Variants in UQCRC2 observed in about 807,000 individuals in gnomAD.
UQCRC2 encodes the protein ubiquinol-cytochrome c reductase core protein 2.
In UQCRC2, 49 loss-of-function variants were observed where a neutral mutation model predicts 55.6. The observed-to-expected ratio is 0.88, with a 90% confidence interval of 0.70 to 1.12. The LOEUF is 1.12. Ranked by LOEUF, UQCRC2 falls within the 50% of genes most tolerant of loss-of-function variation. The probability of loss-of-function intolerance (pLI) is 0.00; values close to 1 mark genes in which losing one functional copy is unlikely to be tolerated. For synonymous variants in UQCRC2, 193 were observed against 192.0 expected (o/e 1.01, Z -0.04); for missense variants, 506 against 547.8 (o/e 0.92, Z 0.76).
At position 21,958,051 on chromosome 16, in the gene UQCRC2, T is replaced by G. The variant is rs186609678; in HGVS notation, c.268-484T>G. ...AATCTGCAGAGACCTTATTACCAAA[T>G]AAAGTAACATGCAAATATTCTGGCT... On this transcript the variant is annotated intron_variant, in intron 3 of 13. Coordinates refer to ENST00000268379, the MANE Select transcript of UQCRC2 (RefSeq NM_003366.4). 2.0e-5 allele frequency among the ~76,000 whole-genome samples: 3 copies of G among 152,210 alleles called. No individual in the cohort carries two copies. The East Asian group carries it at 5.8e-4, about 29-fold the overall frequency.
intron 4 of UQCRC2, 96 bp downstream of exon 4, chr16:21,958,695 T>G (rs988757026): frequency 7.8e-6 from 8 of 1,021,948 alleles, no homozygotes; most frequent in Admixed American, 2.4e-5. Context: ...GAGGATTTCT[T>G]AAGCAACATA....
At chr16:21,968,547 C>G (rs753495328) in intron 7 of UQCRC2, 81 bp from the exon 8 acceptor site, 3 of 1,311,594 alleles carry the variant, frequency 2.3e-6, no homozygotes, top group Non-Finnish European at 3.1e-6. Context: ...TATTTATTTT[C>G]TTCCAAACTG....
intron 13 of UQCRC2, among the ~76,000 whole-genome samples, chr16:21,981,508 C>T (rs541817443): frequency 3.9e-5 from 6 of 152,144 alleles, no homozygotes; most frequent in Non-Finnish European, 8.8e-5. Context: ...AATCCCAGCA[C>T]TTTGGAAGGC....
chr16:21,983,091 G>A lies in UQCRC2; in HGVS notation c.1282G>A (p.Ala428Thr). 1 of 1,613,170 alleles carries A rather than the reference G, an allele frequency of 6.2e-7. No homozygotes were observed. The highest frequency in any genetic ancestry group is 8.5e-7 in the Non-Finnish European group (1 of 1,179,800). Residue 428 changes from alanine (A) to threonine (T), a missense_variant, in exon 14 of 14, where the codon GCA becomes ACA. By Grantham distance (58) the Ala-to-Thr change is moderately conservative. Coordinates refer to ENST00000268379, the MANE Select transcript of UQCRC2 (RefSeq NM_003366.4). ...SVANADIINAAKKFVSGQKSM... is the reference protein window; with the variant it reads ...SVANADIINATKKFVSGQKSM... Reference sequence around the variant, plus strand: ...TCTTTTGTTTGTTTCTTTAAAGGCGGCAAAGAAGTTTGTTTCTGGCCAGAA... The same window carrying A: ...TCTTTTGTTTGTTTCTTTAAAGGCGACAAAGAAGTTTGTTTCTGGCCAGAA...
At chr16:21,973,428 A>C (rs1002888501) in intron 10 of UQCRC2, among the ~76,000 whole-genome samples, 2 of 152,224 alleles carry the variant, frequency 1.3e-5, no homozygotes, top group Non-Finnish European at 1.5e-5. Context: ...AACTCTTGAT[A>C]GCTTGGACAT....
intron 1 of UQCRC2, 129 bp from the exon 2 acceptor site, chr16:21,957,106 C>A: frequency 1.3e-6 from 1 of 741,366 alleles, no homozygotes; most frequent in Non-Finnish European, 2.2e-6. Context: ...TAAATCCTCC[C>A]ATGGAGGTGG....
chr16:21,972,717 C>T (rs901334330), intron 10 of UQCRC2, among the ~76,000 whole-genome samples: 1 of 151,788 alleles, frequency 6.6e-6, no homozygotes, highest in Non-Finnish European at 1.5e-5. Flanking sequence ...CTCTCCTAAT[C>T]CAATGAAGTA....
intron 3 of UQCRC2, 99 bp downstream of exon 3, chr16:21,957,665 T>C: frequency 2.7e-6 from 4 of 1,467,314 alleles, no homozygotes; most frequent in East Asian, 2.4e-5. Flanking sequence ...TTTGATTCCT[T>C]GACCTGCCAT....
At chr16:21,980,857 C>T (rs1898707921) in intron 13 of UQCRC2, among the ~76,000 whole-genome samples, 157 bp downstream of exon 13, 1 of 152,112 alleles carries the variant, frequency 6.6e-6, no homozygotes, top group Non-Finnish European at 1.5e-5. Context: ...CCCATAAGAT[C>T]CGCAACAAGC....
chr16:21,953,600 GACT>G, intron 1 of UQCRC2, 144 bp downstream of exon 1: 1 of 1,067,130 alleles, frequency 9.4e-7, no homozygotes, highest in Non-Finnish European at 1.3e-6. Flanking sequence ...GTGGGCTGCA[GACT>G]GGGTCAGGCT....
chr16:21,977,874 C>G (rs917284986), intron 12 of UQCRC2, among the ~76,000 whole-genome samples: 1 of 152,114 alleles, frequency 6.6e-6, no homozygotes, highest in Non-Finnish European at 1.5e-5. Context: ...AGTTGCATCT[C>G]TTGTATAAGT....
intron 11 of UQCRC2, 37 bp from the exon 12 acceptor site, chr16:21,976,130 C>G: frequency 6.7e-7 from 1 of 1,497,456 alleles, no homozygotes; most frequent in Non-Finnish European, 9.3e-7. Context: ...GACTCTGGTA[C>G]TGACCACAGA....
Position 21,982,855 on chromosome 16 carries a change from C to T in UQCRC2, c.1279-233C>T, listed in dbSNP as rs747136640. On this transcript the variant is annotated intron_variant, in intron 13 of 13. Coordinates refer to ENST00000268379, the MANE Select transcript of UQCRC2 (RefSeq NM_003366.4). ...TGATACATGCCTGTAATCCCAGCTC[C>T]TTGGGAGGGTGAGGCAGAGAATTGC... is the stretch of plus-strand genomic sequence containing the variant. Among the ~76,000 whole-genome samples, 5 of 151,342 alleles carry T rather than the reference C, an allele frequency of 3.3e-5. No homozygotes were observed. The East Asian group carries it at 9.7e-4, about 29-fold the overall frequency.
chr16:21,962,576 C>T (rs561278357), intron 5 of UQCRC2, 60 bp downstream of exon 5: 62 of 1,610,066 alleles, frequency 3.9e-5, no homozygotes, highest in Non-Finnish European at 4.9e-5. Context: ...CTGCTCACTT[C>T]TGGTCTTTGT....
At chr16:21,964,759 A>G (rs1024898170) in intron 6 of UQCRC2, among the ~76,000 whole-genome samples, 4 of 152,170 alleles carry the variant, frequency 2.6e-5, no homozygotes, top group Non-Finnish European at 4.4e-5. Flanking sequence ...ATAATACTTT[A>G]TTTCACAGTT....
intron 6 of UQCRC2, among the ~76,000 whole-genome samples, chr16:21,965,073 G>A (rs1435522834): frequency 6.7e-6 from 1 of 149,750 alleles, no homozygotes; most frequent in Non-Finnish European, 1.5e-5. Flanking sequence ...ATGGCAAGAT[G>A]GCGGCAGAAC....
intron 11 of UQCRC2, among the ~76,000 whole-genome samples, chr16:21,974,580 AGTGGAAATTGG>A: frequency 6.6e-6 from 1 of 152,320 alleles, no homozygotes; most frequent in Non-Finnish European, 1.5e-5. Context: ...TGACTAGAGT[AGTGGAAATTGG>A]GTAAAATGTG....
intron 4 of UQCRC2, among the ~76,000 whole-genome samples, chr16:21,961,625 T>TA (rs1400491958): frequency 6.7e-5 from 6 of 89,672 alleles, no homozygotes; most frequent in Non-Finnish European, 1.3e-4. Flanking sequence ...TAACATAAAA[T>TA]TTATATATAT....
chr16:21,974,742 C>A (rs1410220711), intron 11 of UQCRC2, among the ~76,000 whole-genome samples: 1 of 152,084 alleles, frequency 6.6e-6, no homozygotes, highest in African/African-American at 2.4e-5. Context: ...GCAAAAAGAT[C>A]GGAGCAGATA....
Sources: allele counts gnomAD v4.1 joint callset (sites outside exome capture counted in the v4.1 genomes callset), GRCh38; gene constraint gnomAD v4.1.1; transcripts MANE v1.5; gene names NCBI Gene and HGNC (gene_info 2026-07-23, HGNC 2026-07-21).